Variants in EFL1 observed in about 807,000 individuals in gnomAD.
EFL1 encodes elongation factor like GTPase 1, also known as elongation factor-like GTPase 1.
EFL1 carries 76 observed loss-of-function variants against 126.7 expected under a neutral mutation model. The observed-to-expected ratio is 0.60, with a 90% CI of 0.50 to 0.73. The LOEUF (loss-of-function observed/expected upper bound fraction) is 0.73. Among genes scored for constraint, EFL1 ranks in the 30% least tolerant of loss-of-function variants. EFL1 has a pLI of 0.00. For missense variants in EFL1, 1,128 were observed against 1,343.2 expected, an observed-to-expected ratio of 0.84 and a Z score of 2.50; for synonymous variants, 410 against 448.4, an observed-to-expected ratio of 0.91 and a Z score of 1.08.
At position 82,152,009 on chromosome 15, in the gene EFL1, T is replaced by C. The variant is rs753725307; in HGVS notation, c.2445A>G (p.Arg815=). Residue 815 remains arginine, a synonymous_variant, in exon 18 of 20, where the codon AGA becomes AGG. Coordinates refer to ENST00000268206, the MANE Select transcript of EFL1 (RefSeq NM_024580.6). The stretch of plus-strand genomic sequence containing the variant: ...AGATTTGGTCAACAATGTTCCTCCA[T>C]CTTCTCCCTGTTAGGTGTTGCTCCA... ...GKLEQHLTGR[R]WRNIVDQIWS... is the part of the protein sequence containing the mutation. 5 of 1,614,076 alleles carry C rather than the reference T, an allele frequency of 3.1e-6. No individual in the cohort carries two copies. In the African/African-American group the frequency reaches 6.7e-5, roughly 22 times the overall value.
Position 82,252,710 on chromosome 15 carries a change from A to G in EFL1, c.225T>C (p.Ile75=). Residue 75 remains isoleucine (I), a synonymous_variant, in exon 4 of 20, where the codon ATT becomes ATC. Transcript: ENST00000268206. ...ATTTACCTGTTGCATAATGTAGGGA[A>G]ATGGCACTGGATTTCATAGTGATCC... The part of the protein sequence containing the change: ...IRGITMKSSA[I]SLHYATGNEE... 1 of 1,612,880 alleles carries G rather than the reference A, an allele frequency of 6.2e-7. No homozygotes were observed.
At chr15:82,168,462 G>A (rs910193129) in intron 15 of EFL1, among the ~76,000 whole-genome samples, 8 of 152,140 alleles carry the variant, frequency 5.3e-5, no homozygotes, top group Admixed American at 6.5e-5. Flanking sequence ...ACATCACTAT[G>A]TCATAAATTT....
chr15:82,165,267 A>AAG (rs200335918), intron 15 of EFL1, among the ~76,000 whole-genome samples: 1 of 152,016 alleles, frequency 6.6e-6, no homozygotes, highest in Non-Finnish European at 1.5e-5. Context: ...GAGAGAGAAA[A>AAG]AGAGAGAGAG....
At chr15:82,144,622 C>T (rs1316649912) in intron 18 of EFL1, among the ~76,000 whole-genome samples, 1 of 152,214 alleles carries the variant, frequency 6.6e-6, no homozygotes, top group Non-Finnish European at 1.5e-5. Flanking sequence ...AGTATTGGCA[C>T]ATGCAGCTCA....
At chr15:82,213,963 T>G (rs2141295613) in intron 15 of EFL1, among the ~76,000 whole-genome samples, 1 of 152,372 alleles carries the variant, frequency 6.6e-6, no homozygotes, top group Non-Finnish European at 1.5e-5. Context: ...AACCATTAGC[T>G]ATTCTGGACC....
At chr15:82,218,446 A>G (rs1236870380) in intron 14 of EFL1, among the ~76,000 whole-genome samples, 1 of 152,208 alleles carries the variant, frequency 6.6e-6, no homozygotes, top group Non-Finnish European at 1.5e-5. Flanking sequence ...ACCTGTAGCA[A>G]AGACACATTA....
Position 82,194,557 on chromosome 15 carries a change from G to T in EFL1, c.1750+20160C>A, listed in dbSNP as rs564410754. On this transcript the variant is annotated intron_variant, in intron 15 of 19. Transcript: ENST00000268206. ...AAGTATAGTCAAAAATGCACTTACA[G>T]AATTATTAAAATCAAAGCATAAAAT... Among the ~76,000 whole-genome samples, 78 of 152,232 alleles carry T rather than the reference G, an allele frequency of 5.1e-4. 1 individual carries two copies. The highest frequency in any genetic ancestry group is 1.8e-3 in the African/African-American group (73 of 41,544).
chr15:82,172,606 T>A (rs1350174977), intron 15 of EFL1, among the ~76,000 whole-genome samples: 1 of 152,216 alleles, frequency 6.6e-6, no homozygotes, highest in African/African-American at 2.4e-5. Context: ...TAACAAAGAC[T>A]TTTTTGTAGT....
In EFL1 at chr15:82,214,818, G is replaced by C. The variant is rs751348270; in HGVS notation, c.1649C>G (p.Pro550Arg). The stretch of plus-strand genomic sequence containing the variant: ...ACAGTATGCCATGTGGGGGACTTGG[G>C]GGAGGCCATCTGGTGGAGCTGAGAA... ...LGFSAPPDGL[P>R]QVPHMAYCAL... Residue 550 changes from proline to arginine, a missense_variant, in exon 15 of 20, where the codon CCC (proline) becomes CGC (arginine). Around this residue, in one of 6 missense-constraint regions of EFL1, gnomAD observed 120 missense variants for 142.1 expected, o/e 0.84. Coordinates refer to ENST00000268206, the MANE Select transcript of EFL1 (RefSeq NM_024580.6). The C allele has an allele frequency of 1.3e-6, 2 of 1,590,168 alleles. No homozygotes were observed. The highest frequency in any genetic ancestry group is 1.4e-5 in the African/African-American group (1 of 73,152).
At position 82,208,381 on chromosome 15, in the gene EFL1, G is replaced by A. The variant is rs552018047; in HGVS notation, c.1750+6336C>T. Among the ~76,000 whole-genome samples, 556 of 152,290 alleles carry A rather than the reference G, an allele frequency of 3.7e-3. 2 individuals carry two copies. Among genetic ancestry groups the A allele is most frequent in the Non-Finnish European group, 5.7e-3 (390 of 68,028 alleles). On this transcript the variant is annotated intron_variant, in intron 15 of 19. Coordinates refer to ENST00000268206, the MANE Select transcript of EFL1 (RefSeq NM_024580.6). ...CATAGTTATTAAGCACTTGAAATATGGCTAGTGCAACTGATGGGTAAACTT... is the reference window on the plus strand; with the variant it reads ...CATAGTTATTAAGCACTTGAAATATAGCTAGTGCAACTGATGGGTAAACTT...
intron 15 of EFL1, among the ~76,000 whole-genome samples, chr15:82,164,620 A>G (rs1433748291): frequency 6.6e-6 from 1 of 152,136 alleles, no homozygotes; most frequent in Non-Finnish European, 1.5e-5. Flanking sequence ...ATAAGGGGCC[A>G]GGTGCAGTGG....
chr15:82,146,920 G>T (rs1037624787), intron 18 of EFL1, among the ~76,000 whole-genome samples: 3 of 152,146 alleles, frequency 2.0e-5, no homozygotes, highest in African/African-American at 7.2e-5. Context: ...CTGGAAAGTG[G>T]CAGAACTGAC....
chr15:82,188,263 T>C (rs2141267802), intron 15 of EFL1, among the ~76,000 whole-genome samples: 1 of 152,252 alleles, frequency 6.6e-6, no homozygotes, highest in East Asian at 1.9e-4. Flanking sequence ...AATATAAGCG[T>C]CATTGTCTTT....
chr15:82,198,146 T>C (rs1437717236), intron 15 of EFL1, among the ~76,000 whole-genome samples: 1 of 152,128 alleles, frequency 6.6e-6, no homozygotes, highest in Non-Finnish European at 1.5e-5. Flanking sequence ...GAAATTGCAC[T>C]CTGTTTCTCT....
At chr15:82,204,729 C>A (rs1239446481) in intron 15 of EFL1, among the ~76,000 whole-genome samples, 1 of 152,220 alleles carries the variant, frequency 6.6e-6, no homozygotes, top group Non-Finnish European at 1.5e-5. Context: ...CCCACCTACT[C>A]TTTCCTCCTT....
chr15:82,162,075 T>C lies in EFL1; in HGVS notation c.1882+1778A>G, dbSNP rs114505592. Among the ~76,000 whole-genome samples, 1,243 of 152,268 alleles carry C rather than the reference T, an allele frequency of 8.2e-3. 17 individuals are homozygous for C. The highest frequency in any genetic ancestry group is 0.028 in the African/African-American group (1,184 of 41,550). ...AGAGGACTGCTTAAGCTCAGGAGTT[T>C]AGGACCAGTCTGGGTGACATGGGGA... On this transcript the variant is annotated intron_variant, in intron 16 of 19. Coordinates refer to ENST00000268206, the MANE Select transcript of EFL1 (RefSeq NM_024580.6).
At chr15:82,206,788 G>T (rs1319201320) in intron 15 of EFL1, among the ~76,000 whole-genome samples, 1 of 152,016 alleles carries the variant, frequency 6.6e-6, no homozygotes, top group Admixed American at 6.5e-5. Flanking sequence ...GACTTCATGG[G>T]TGCTAATATC....
intron 15 of EFL1, among the ~76,000 whole-genome samples, chr15:82,210,120 A>T (rs1359601089): frequency 6.6e-6 from 1 of 152,246 alleles, no homozygotes; most frequent in Non-Finnish European, 1.5e-5. Flanking sequence ...ATCACTATGA[A>T]CATCTCTTTA....
chr15:82,201,609 G>T (rs2141282082), intron 15 of EFL1, among the ~76,000 whole-genome samples: 1 of 149,958 alleles, frequency 6.7e-6, no homozygotes, highest in African/African-American at 2.5e-5. Context: ...CTGCAATTGT[G>T]TGGGCTGCTT....
Sources: gnomAD v4.1 joint callset for allele counts (sites outside exome capture counted in the v4.1 genomes callset) on GRCh38, gnomAD v4.1.1 for gene constraint, gnomAD v4.1.1 regional missense constraint, MANE v1.5 for transcripts, NCBI Gene and HGNC (gene_info 2026-07-23, HGNC 2026-07-21) for gene names.